The following TTN variants were observed in gnomAD, a reference collection of about 807,000 sequenced individuals.
TTN encodes connectin.
Under a neutral mutation model 3,223.0 loss-of-function variants are expected in TTN, and 1,525 were observed. That is an observed-to-expected ratio of 0.47 (90% CI 0.45 to 0.49). The LOEUF (loss-of-function observed/expected upper bound fraction) is 0.49, where lower values mean the gene tolerates loss of function less well. Ranked by LOEUF, TTN falls within the 20% of genes least tolerant of loss-of-function variation. The pLI is 0.00. For missense variants in TTN, 40,786 were observed against 43,424.0 expected (o/e 0.94, Z 5.40); for synonymous variants, 14,094 against 15,161.0 (o/e 0.93, Z 5.17).
rs777785413 is a variant in TTN at position 178,561,731 on chromosome 2, C to T, written c.84401G>A (p.Arg28134His). The T allele has an allele frequency of 6.8e-6, 11 of 1,612,088 alleles. No homozygotes were observed. The highest frequency in any genetic ancestry group is 3.3e-5 in the Admixed American group (2 of 59,858). Residue 28134 changes from arginine to histidine, a missense_variant, in exon 326 of 363, where the codon CGC becomes CAC. By Grantham distance (29) the Arg-to-His change is conservative (BLOSUM62 0). Coordinates refer to ENST00000589042, the MANE Select transcript of TTN (RefSeq NM_001267550.2). The stretch of plus-strand genomic sequence containing the variant: ...TTCACTGTAGGAGCTCTTTCCATAG[C>T]GGTTTTCTGCACAAACACGGAACTG... ...EYQFRVCAEN[R>H]YGKSSYSESS...
Position 178,553,957 on chromosome 2 carries a change from T to A in TTN, c.89154A>T (p.Pro29718=). The A allele has an allele frequency of 6.2e-7, 1 of 1,608,938 alleles. No individual in the cohort carries two copies. The highest frequency in any genetic ancestry group is 8.5e-7 in the Non-Finnish European group (1 of 1,178,816). ...VCAVNAAGQG[P]FSEPSEFYKA... is the part of the protein sequence containing the mutation. ...TGTAGAATTCAGATGGTTCAGAAAATGGACCCTGTCCAGCAGCGTTTACAG... is the reference window on the plus strand; with the variant it reads ...TGTAGAATTCAGATGGTTCAGAAAAAGGACCCTGTCCAGCAGCGTTTACAG... Residue 29718 remains proline (P), a synonymous_variant, in exon 333 of 363, where the codon CCA becomes CCT. Transcript: ENST00000589042.
rs2081878071 is a variant in TTN at position 178,738,254 on chromosome 2, C to T, written c.14199G>A (p.Trp4733Ter). 1 of 1,613,472 alleles carries T rather than the reference C, an allele frequency of 6.2e-7. No homozygotes were observed. ...IQSAPNVRFQ[W>*]FKAGREIYES... ...CATAAATTTCTCGGCCAGCTTTAAA[C>T]CACTGGAACCGGACATTGGGAGCAC... Residue 4733 changes from tryptophan (W) to a stop codon, truncating the protein, a stop_gained, in exon 49 of 363, where the codon TGG (tryptophan) becomes TGA (stop). Transcript: ENST00000589042. LOFTEE classifies it high-confidence loss of function.
chr2:178,559,082 TA>T (rs1702631883), intron 326 of TTN: 1 of 380,322 alleles, frequency 2.6e-6, no homozygotes, highest in Non-Finnish European at 4.7e-6. Flanking sequence ...CAATAATACT[TA>T]AATTCAACAT....
intron 38 of TTN, among the ~76,000 whole-genome samples, chr2:178,768,360 T>A (rs1243632996): frequency 6.6e-6 from 1 of 152,218 alleles, no homozygotes; most frequent in East Asian, 1.9e-4. Context: ...CAAGGACTTT[T>A]CTATTGTCTC....
At position 178,566,273 on chromosome 2, in the gene TTN, G is replaced by A. The variant is rs1260392231; in HGVS notation, c.79859C>T (p.Pro26620Leu). 1.9e-6 allele frequency: 3 copies of A among 1,613,492 alleles called. No homozygotes were observed. The highest frequency in any genetic ancestry group is 2.7e-5 in the African/African-American group (2 of 74,860). Residue 26620 changes from proline (P) to leucine (L), a missense_variant, in exon 326 of 363, where the codon CCA becomes CTA. Pro to Leu is a moderately conservative substitution (Grantham distance 98). Coordinates refer to ENST00000589042, the MANE Select transcript of TTN (RefSeq NM_001267550.2). Reference protein sequence around the residue: ...ARIHIPFKGRPTPEITWSREE... With the variant: ...ARIHIPFKGRLTPEITWSREE... ...TCGAGACCAAGTGATCTCAGGCGTT[G>A]GACGACCTTTGAATGGAATGTGAAT...
Position 178,654,228 on chromosome 2 carries a change from G to C in TTN, c.38360C>G (p.Pro12787Arg). Residue 12787 changes from proline to arginine, a missense_variant, in exon 193 of 363, where the codon CCG becomes CGG. By Grantham distance (103) the Pro-to-Arg change is moderately radical. Coordinates refer to ENST00000589042, the MANE Select transcript of TTN (RefSeq NM_001267550.2). ...AATACCTTTTGCACGTGGGGCTTCC[G>C]GTTTTTTGGGCACAGCCACAGATAC... ...KKVSVAVPKKPEAPRAKVPEA... is the reference protein window; with the variant it reads ...KKVSVAVPKKREAPRAKVPEA... 3 of 1,598,258 alleles carry C rather than the reference G, an allele frequency of 1.9e-6. No individual in the cohort carries two copies. Among genetic ancestry groups the C allele is most frequent in the Non-Finnish European group, 2.5e-6 (3 of 1,177,912 alleles).
chr2:178,768,169 T>C lies in TTN; in HGVS notation c.9164-14A>G, dbSNP rs780410565. The stretch of plus-strand genomic sequence containing the variant: ...CTATATGACGAGCTGGAAAATAGCA[T>C]GTAGAAAAATTAACATTTTTAACAG... On this transcript the variant is annotated splice_polypyrimidine_tract_variant and intron_variant, in intron 38 of 362. Coordinates refer to ENST00000589042, the MANE Select transcript of TTN (RefSeq NM_001267550.2). 2.5e-6 allele frequency: 4 copies of C among 1,613,774 alleles called. No individual in the cohort carries two copies. The highest frequency in any genetic ancestry group is 2.2e-5 in the South Asian group (2 of 91,064).
chr2:178,802,021 T>C lies in TTN; in HGVS notation c.295+117A>G. On this transcript the variant is annotated intron_variant, in intron 3 of 362. Transcript: ENST00000589042. ...AAATAATTCAGCCTCCAGTAGACCC[T>C]TCTGTAGTTTAAGAGCTGCATCTAC... is the stretch of plus-strand genomic sequence containing the variant. 2.4e-6 allele frequency: 3 copies of C among 1,275,248 alleles called. No individual in the cohort carries two copies. In the South Asian group the frequency reaches 3.6e-5, roughly 15 times the overall value. The allele number at this position is 1,275,248 out of a possible 1,614,324, so 79.0% of individuals were successfully genotyped here. A position where few individuals can be genotyped will look rare whatever the true frequency, so the allele number is the denominator to read the frequency against.
Position 178,706,588 on chromosome 2 carries a change from T to C in TTN, c.29286A>G (p.Thr9762=). The C allele has an allele frequency of 6.2e-7, 1 of 1,613,896 alleles. No individual in the cohort carries two copies. Among genetic ancestry groups the C allele is most frequent in the Non-Finnish European group, 8.5e-7 (1 of 1,179,830 alleles). The change falls in exon 102 of 363, where the codon ACA becomes ACG. Residue 9762 remains threonine (T), a synonymous_variant. Coordinates refer to ENST00000589042, the MANE Select transcript of TTN (RefSeq NM_001267550.2). The part of the protein sequence containing the change: ...DEAKLEIRDT[T]KTDSGLYRCV... Reference sequence around the variant, plus strand: ...ATCGGTATAACCCAGAATCAGTTTTTGTGGTGTCCCTAATCTCCAGTTTTG... The same window carrying C: ...ATCGGTATAACCCAGAATCAGTTTTCGTGGTGTCCCTAATCTCCAGTTTTG...
In TTN at chr2:178,711,962, T is replaced by C. The variant is rs1256283190; in HGVS notation, c.27868A>G (p.Thr9290Ala). 1 of 1,601,578 alleles carries C rather than the reference T, an allele frequency of 6.2e-7. No homozygotes were observed. Among genetic ancestry groups the C allele is most frequent in the Admixed American group, 1.7e-5 (1 of 59,084 alleles). The change falls in exon 96 of 363, where the codon ACT becomes GCT. Residue 9290 changes from threonine (T) to alanine (A), a missense_variant. Transcript: ENST00000589042. ...CAATCACCTTGAACGGTAAGGAAAGTTGATGCAGAAACTTCTCCCACGCTG... is the reference window on the plus strand; with the variant it reads ...CAATCACCTTGAACGGTAAGGAAAGCTGATGCAGAAACTTCTCCCACGCTG... ...ENSVGEVSAS[T>A]FLTVQEQKLP...
intron 147 of TTN, 139 bp downstream of exon 147, chr2:178,677,062 C>T (rs961897166): frequency 2.4e-6 from 1 of 416,434 alleles, no homozygotes. Context: ...TATCAGTGTT[C>T]CTGAACATCG....
Position 178,542,300 on chromosome 2 carries a change from A to C in TTN, c.97456T>G (p.Leu32486Val), listed in dbSNP as rs769778547. 1 of 1,611,934 alleles carries C rather than the reference A, an allele frequency of 6.2e-7. No individual in the cohort carries two copies. Among genetic ancestry groups the C allele is most frequent in the South Asian group, 1.1e-5 (1 of 90,662 alleles). The change falls in exon 349 of 363, where the codon TTG becomes GTG. Residue 32486 changes from leucine to valine, a missense_variant. Transcript: ENST00000589042. ...CGACACTCTATGACCTCAGACTGCA[A>C]GTAAGAGCCAATCCCGAAGCGGTTT... is the stretch of plus-strand genomic sequence containing the variant. Reference protein sequence around the residue: ...ATNRFGIGSYLQSEVIECRSS... With the variant: ...ATNRFGIGSYVQSEVIECRSS...
rs1471357727 is a variant in TTN, at chr2:178,532,607, AGTC to A, written c.104005_104007del (p.Asp34669del). The A allele has an allele frequency of 2.5e-6, 4 of 1,613,970 alleles. No individual in the cohort carries two copies. The highest frequency in any genetic ancestry group is 3.4e-6 in the Non-Finnish European group (4 of 1,179,862). On this transcript the variant is annotated inframe_deletion, in exon 358 of 363. Transcript: ENST00000589042. ...TCCTCTGTTCTTTTCATTGCTAAGT[AGTC>A]ATCAATGGGGAGGAGTAATTCTTCA...
intron 233 of TTN, 43 bp downstream of exon 233, chr2:178,633,144 C>A: frequency 6.2e-7 from 1 of 1,603,006 alleles, no homozygotes. Context: ...CCCTACACAA[C>A]CAAGCAACCC....
At position 178,530,649 on chromosome 2, in the gene TTN, A is replaced by G; in HGVS notation, c.105966T>C (p.Asp35322=). 1.2e-6 allele frequency: 2 copies of G among 1,613,998 alleles called. No homozygotes were observed. Among genetic ancestry groups the G allele is most frequent in the East Asian group, 2.2e-5 (1 of 44,892 alleles). The change falls in exon 358 of 363, where the codon GAT becomes GAC. Residue 35322 remains aspartate, a synonymous_variant. Transcript: ENST00000589042. ...LRAKEVTWYK[D]GKKLKENGHF... ...GCCCATTTTCCTTCAGTTTCTTGCC[A>G]TCTTTATACCAGGTGACCTCTTTTG... is the stretch of plus-strand genomic sequence containing the variant.
chr2:178,617,867 C>G lies in TTN; in HGVS notation c.47484G>C (p.Glu15828Asp). The G allele has an allele frequency of 6.2e-7, 1 of 1,612,682 alleles. No homozygotes were observed. Among genetic ancestry groups the G allele is most frequent in the East Asian group, 2.2e-5 (1 of 44,722 alleles). The stretch of plus-strand genomic sequence containing the variant: ...TTTGGGCTCTCACTCGGAAACTGTA[C>G]TCCTGTCCTTCTACCACATCAGTAA... Reference protein sequence around the residue: ...ATVTDVVEGQEYSFRVRAQNR... With the variant: ...ATVTDVVEGQDYSFRVRAQNR... Residue 15828 changes from glutamate to aspartate, a missense_variant, in exon 253 of 363, where the codon GAG becomes GAC. Glu to Asp is a conservative substitution (Grantham distance 45, BLOSUM62 2). Coordinates refer to ENST00000589042, the MANE Select transcript of TTN (RefSeq NM_001267550.2).
rs1185011450 is a variant in TTN at position 178,560,721 on chromosome 2, A to C, written c.85411T>G (p.Ser28471Ala). 6.2e-7 allele frequency: 1 copy of C among 1,613,692 alleles called. No individual in the cohort carries two copies. The highest frequency in any genetic ancestry group is 8.5e-7 in the Non-Finnish European group (1 of 1,179,800). The part of the protein sequence containing the change: ...NGLTAEKCSL[S>A]WGRPQEDGGA... ...CCATCTTCTTGGGGACGTCCCCAGG[A>C]AAGAGAGCATTTCTCAGCAGTGAGG... Residue 28471 changes from serine (S) to alanine (A), a missense_variant, in exon 326 of 363, where the codon TCC becomes GCC. Ser to Ala is a moderately conservative substitution (Grantham distance 99). Transcript: ENST00000589042.
rs1178195707 is a variant in TTN at position 178,571,622 on chromosome 2, C to T, written c.74510G>A (p.Gly24837Asp). The T allele has an allele frequency of 2.5e-6, 4 of 1,613,150 alleles. No individual in the cohort carries two copies. The East Asian group carries it at 8.9e-5, about 36-fold the overall frequency. Residue 24837 changes from glycine (G) to aspartate (D), a missense_variant, in exon 326 of 363, where the codon GGT becomes GAT. Transcript: ENST00000589042. ...TLSWGPPKYD[G>D]GSSINNYIVE... Reference sequence around the variant, plus strand: ...AATGTAATTATTGATAGAACTTCCACCATCATACTTGGGTGGGCCCCAGGA... The same window carrying T: ...AATGTAATTATTGATAGAACTTCCATCATCATACTTGGGTGGGCCCCAGGA...
intron 291 of TTN, 27 bp from the exon 292 acceptor site, chr2:178,598,681 T>A (rs747435746): frequency 6.2e-7 from 1 of 1,601,856 alleles, no homozygotes; most frequent in Non-Finnish European, 8.5e-7. Context: ...TACGTTAGTA[T>A]TCTTGACTTT....
Sources: gnomAD v4.1 joint callset for allele counts (sites outside exome capture counted in the v4.1 genomes callset) on GRCh38, gnomAD v4.1.1 for gene constraint, MANE v1.5 for transcripts, NCBI Gene and HGNC (gene_info 2026-07-23, HGNC 2026-07-21) for gene names.